The following ARHGAP17 variants were observed in gnomAD, a reference collection of about 807,000 sequenced individuals.
ARHGAP17 encodes the protein rho GTPase-activating protein 17.
In ARHGAP17, 57 loss-of-function variants were observed where a neutral mutation model predicts 99.5. The ratio of observed to expected loss-of-function variants is 0.57; its 90% CI spans 0.46 to 0.71. ARHGAP17 has a LOEUF of 0.71. Ranked by LOEUF, ARHGAP17 falls within the 30% of genes least tolerant of loss-of-function variation. ARHGAP17 has a pLI of 0.00. For synonymous variants in ARHGAP17, 417 were observed against 429.6 expected (o/e 0.97, Z 0.36); for missense variants, 1,000 against 1,122.4 (o/e 0.89, Z 1.56).
Position 24,940,800 on chromosome 16 carries a change from A to G in ARHGAP17, c.1490+1187T>C, listed in dbSNP as rs2051291871. ...GGAAGGAAGGCTGACTTTTCACTTA[A>G]GGCGACTGATCTATGAACTTAACAA... is the stretch of plus-strand genomic sequence containing the variant. On this transcript the variant is annotated intron_variant, in intron 16 of 19. Transcript: ENST00000289968. Among the ~76,000 whole-genome samples the G allele has an allele frequency of 2.0e-5, 3 of 152,228 alleles. 1 individual carries two copies. The highest frequency in any genetic ancestry group is 4.8e-5 in the African/African-American group (2 of 41,466).
rs2050989123 is a variant in ARHGAP17 at position 24,931,418 on chromosome 16, G to GA, written c.1895-15dup. 2.0e-6 allele frequency: 3 copies of GA among 1,500,422 alleles called. No individual in the cohort carries two copies. The highest frequency in any genetic ancestry group is 2.7e-6 in the Non-Finnish European group (3 of 1,127,652). 92.9% of individuals were successfully genotyped at this position (1,500,422 alleles called of 1,614,324 possible). The stretch of plus-strand genomic sequence containing the variant: ...GTTTTTTAACAGCTGCACAAAAAGA[G>GA]AAAAAACACCTTTCAGTAGGAACAG... On this transcript the variant is annotated splice_polypyrimidine_tract_variant and intron_variant, in intron 18 of 19. Transcript: ENST00000289968.
intron 19 of ARHGAP17, among the ~76,000 whole-genome samples, chr16:24,924,456 T>A (rs569307950): frequency 1.0e-3 from 158 of 150,654 alleles, no homozygotes; most frequent in African/African-American, 3.6e-3. Flanking sequence ...TTTTTTTTTT[T>A]AAATAAAATA....
chr16:24,920,604 G>A (rs2050696015), intron 19 of ARHGAP17: 2 of 220,136 alleles, frequency 9.1e-6, no homozygotes, highest in Non-Finnish European at 1.8e-5. Flanking sequence ...CCCTCCTGAT[G>A]GCCCCTGGGC....
chr16:24,953,732 C>T (rs902630469), intron 10 of ARHGAP17, among the ~76,000 whole-genome samples: 3 of 152,118 alleles, frequency 2.0e-5, no homozygotes, highest in Non-Finnish European at 4.4e-5. Context: ...TGAGAATGGA[C>T]GAATACACAT....
intron 1 of ARHGAP17, among the ~76,000 whole-genome samples, chr16:25,014,363 A>G (rs1055538939): frequency 6.6e-6 from 1 of 152,236 alleles, no homozygotes; most frequent in Non-Finnish European, 1.5e-5. Flanking sequence ...AGTCACCTCC[A>G]GAAACTCTCA....
At chr16:24,988,812 G>C (rs979606879) in intron 1 of ARHGAP17, among the ~76,000 whole-genome samples, 1 of 152,142 alleles carries the variant, frequency 6.6e-6, no homozygotes, top group African/African-American at 2.4e-5. Flanking sequence ...AGCAAAATCT[G>C]AAAGAAATCT....
chr16:25,009,380 A>AG (rs929408270), intron 1 of ARHGAP17, among the ~76,000 whole-genome samples: 3 of 139,782 alleles, frequency 2.1e-5, no homozygotes, highest in African/African-American at 8.2e-5. Flanking sequence ...AAAAAAAAAA[A>AG]GGGTGGGGGG....
Position 24,959,936 on chromosome 16 carries a change from C to A in ARHGAP17, c.617G>T (p.Gly206Val), listed in dbSNP as rs1478601883. 2 of 1,613,942 alleles carry A rather than the reference C, an allele frequency of 1.2e-6. No individual in the cohort carries two copies. The highest frequency in any genetic ancestry group is 3.3e-5 in the Admixed American group (2 of 60,024). ...ADMYNFMAKEGEYGKFFVTLL... is the reference protein window; with the variant it reads ...ADMYNFMAKEVEYGKFFVTLL... ...CGTAACAAAGAATTTGCCATACTCC[C>A]CTTCTTTGGCCATAAAGTTGTACAT... The change falls in exon 8 of 20, where the codon GGG (glycine) becomes GTG (valine). Residue 206 changes from glycine (G) to valine (V), a missense_variant. By Grantham distance (109) the Gly-to-Val change is moderately radical (BLOSUM62 -3). This residue lies in a region of ARHGAP17 where 472 missense variants were observed against 611.1 expected (regional missense o/e 0.77). Transcript: ENST00000289968.
chr16:24,937,597 A>G (rs1208605676), intron 17 of ARHGAP17, among the ~76,000 whole-genome samples: 2 of 152,224 alleles, frequency 1.3e-5, no homozygotes, highest in Non-Finnish European at 2.9e-5. Flanking sequence ...GGTGCACGGG[A>G]AGCCCTAAGA....
At chr16:24,982,988 A>ATATATATT (rs1567250728) in intron 1 of ARHGAP17, among the ~76,000 whole-genome samples, 53 of 31,886 alleles carry the variant, frequency 1.7e-3, no homozygotes, top group South Asian at 4.1e-3. Flanking sequence ...ATATATATAT[A>ATATATATT]TATATATATT....
chr16:24,947,465 A>G lies in ARHGAP17; in HGVS notation c.1241+17T>C. 2 of 1,597,436 alleles carry G rather than the reference A, an allele frequency of 1.3e-6. No individual in the cohort carries two copies. The highest frequency in any genetic ancestry group is 1.7e-6 in the Non-Finnish European group (2 of 1,166,156). The stretch of plus-strand genomic sequence containing the variant: ...GGGAAAGAAGAAATTCAAATGATAC[A>G]GAGAAAGATGACTTACCCTTCATTT... On this transcript the variant is annotated intron_variant, in intron 14 of 19. Coordinates refer to ENST00000289968, the MANE Select transcript of ARHGAP17 (RefSeq NM_001006634.3).
intron 17 of ARHGAP17, chr16:24,936,687 C>CA (rs2051149161): frequency 6.7e-6 from 1 of 149,992 alleles, no homozygotes; most frequent in East Asian, 2.0e-4. Context: ...GCCTGGCTGA[C>CA]AGAGCGAGAT....
chr16:24,963,530 T>C (rs947362383), intron 7 of ARHGAP17, among the ~76,000 whole-genome samples: 4 of 152,236 alleles, frequency 2.6e-5, no homozygotes, highest in Non-Finnish European at 4.4e-5. Flanking sequence ...CTTAAGACTC[T>C]AGATTGTCAA....
intron 15 of ARHGAP17, 107 bp from the exon 16 acceptor site, chr16:24,942,250 C>T: frequency 1.0e-5 from 12 of 1,154,384 alleles, no homozygotes; most frequent in Non-Finnish European, 1.5e-5. Context: ...AGTCCACAGC[C>T]CTCACTATTT....
intron 18 of ARHGAP17, among the ~76,000 whole-genome samples, chr16:24,933,687 G>A (rs116073284): frequency 0.021 from 3,172 of 151,646 alleles, 105 homozygotes; most frequent in African/African-American, 0.072. Flanking sequence ...ATAAAAGCTC[G>A]TTCCTGAAAT....
chr16:24,982,234 T>C (rs1026956601), intron 1 of ARHGAP17, among the ~76,000 whole-genome samples: 1 of 152,006 alleles, frequency 6.6e-6, no homozygotes, highest in Admixed American at 6.6e-5. Context: ...CAAAACCTCA[T>C]CTCTACTAAA....
intron 1 of ARHGAP17, among the ~76,000 whole-genome samples, chr16:25,009,841 G>T (rs8047036): frequency 0.42 from 64,527 of 151,958 alleles, 13,939 homozygotes; most frequent in East Asian, 0.53. Flanking sequence ...CTCAGAGGGT[G>T]GCTATGAGAA....
intron 1 of ARHGAP17, among the ~76,000 whole-genome samples, chr16:24,999,035 G>A (rs922727789): frequency 6.6e-6 from 1 of 152,168 alleles, no homozygotes; most frequent in East Asian, 1.9e-4. Context: ...AGTGCCCACC[G>A]CCATCACAGG....
At chr16:24,922,285 G>C (rs1721835429) in intron 19 of ARHGAP17, among the ~76,000 whole-genome samples, 1 of 152,316 alleles carries the variant, frequency 6.6e-6, no homozygotes, top group South Asian at 2.1e-4. Context: ...CAAAGGCACT[G>C]TGTATACGGA....
Sources: allele counts gnomAD v4.1 joint callset (sites outside exome capture counted in the v4.1 genomes callset), GRCh38; gene constraint gnomAD v4.1.1; regional missense constraint gnomAD v4.1.1; transcripts MANE v1.5; gene names NCBI Gene and HGNC (gene_info 2026-07-23, HGNC 2026-07-21).